Variants in PDE8B observed in about 807,000 individuals in gnomAD.
PDE8B encodes the protein high affinity cAMP-specific and IBMX-insensitive 3',5'-cyclic phosphodiesterase 8B.
PDE8B carries 26 observed loss-of-function variants against 101.3 expected under a neutral mutation model. That is an observed-to-expected ratio of 0.26 (90% CI 0.19 to 0.36). The LOEUF (loss-of-function observed/expected upper bound fraction) is 0.36, where lower values mean the gene tolerates loss of function less well. Among genes scored for constraint, PDE8B ranks in the 10% least tolerant of loss-of-function variants. PDE8B has a pLI of 1.00. For synonymous variants in PDE8B, 424 were observed against 429.3 expected (o/e 0.99, Z 0.15); for missense variants, 810 against 1,163.1 (o/e 0.70, Z 4.42).
chr5:77,204,767 C>T, the PDE8B span, among the ~76,000 whole-genome samples: 4 of 152,176 alleles, frequency 2.6e-5, no homozygotes, highest in African/African-American at 9.7e-5. Flanking sequence ...TTCTTCCCTT[C>T]CCAATGACCA....
At chr5:77,114,150 TC>T in the PDE8B span, 1 of 152,104 alleles carries the variant, frequency 6.6e-6, no homozygotes, top group East Asian at 1.9e-4. Context: ...ACCCAGCAAT[TC>T]CATTACTGGG....
chr5:77,420,799 A>G (rs1160234480), intron 19 of PDE8B, among the ~76,000 whole-genome samples: 8 of 152,206 alleles, frequency 5.3e-5, no homozygotes, highest in African/African-American at 1.9e-4. Flanking sequence ...AAGGTCATCC[A>G]CTCATGTAAG....
At chr5:77,409,909 T>C (rs1262135350) in intron 14 of PDE8B, among the ~76,000 whole-genome samples, 5 of 152,266 alleles carry the variant, frequency 3.3e-5, no homozygotes, top group African/African-American at 4.8e-5. Flanking sequence ...TGTTTCTTTC[T>C]TGCCCCTGGG....
chr5:77,111,962 T>G, the PDE8B span: 1 of 152,168 alleles, frequency 6.6e-6, no homozygotes, highest in Non-Finnish European at 1.5e-5. Flanking sequence ...GTAAATCTTT[T>G]GCACCCATTC....
chr5:77,313,031 C>T (rs1043551058), intron 2 of PDE8B, among the ~76,000 whole-genome samples: 2 of 152,174 alleles, frequency 1.3e-5, no homozygotes, highest in African/African-American at 4.8e-5. Context: ...TAAATAATTT[C>T]TAAATCCTTA....
chr5:77,270,006 A>G (rs55881870), intron 1 of PDE8B, among the ~76,000 whole-genome samples: 32,456 of 151,976 alleles, frequency 0.21, 3,643 homozygotes, highest in Non-Finnish European at 0.25. Context: ...TATTTCTGTG[A>G]AGAATGTTGT....
chr5:77,320,989 A>C (rs1774921657), intron 2 of PDE8B, among the ~76,000 whole-genome samples: 1 of 151,680 alleles, frequency 6.6e-6, no homozygotes, highest in Non-Finnish European at 1.5e-5. Context: ...AAAGTACATA[A>C]GTAAATAAGA....
chr5:77,126,539 C>A, the PDE8B span, among the ~76,000 whole-genome samples: 1 of 152,146 alleles, frequency 6.6e-6, no homozygotes, highest in Non-Finnish European at 1.5e-5. Flanking sequence ...GATTCTCCCA[C>A]CTCAGCCTCC....
intron 1 of PDE8B, among the ~76,000 whole-genome samples, chr5:77,241,054 T>C (rs1385814860): frequency 6.6e-6 from 1 of 152,006 alleles, no homozygotes; most frequent in East Asian, 1.9e-4. Flanking sequence ...CAAACAGGAG[T>C]TGCAATCAAC....
At chr5:77,207,366 T>C (rs1368071820), upstream of PDE8B, among the ~76,000 whole-genome samples, 3 of 152,228 alleles carry the variant, frequency 2.0e-5, no homozygotes, top group African/African-American at 7.2e-5. Flanking sequence ...CTGTGGGCCA[T>C]AATTTTACAG....
chr5:77,329,368 C>G (rs1776675080), intron 4 of PDE8B, among the ~76,000 whole-genome samples: 1 of 152,102 alleles, frequency 6.6e-6, no homozygotes, highest in Non-Finnish European at 1.5e-5. Context: ...AAACATTGTT[C>G]CAGTTTATCT....
At chr5:77,279,364 C>A (rs140589952) in intron 1 of PDE8B, among the ~76,000 whole-genome samples, 12 of 152,162 alleles carry the variant, frequency 7.9e-5, no homozygotes, top group Non-Finnish European at 1.8e-4. Context: ...ATGGTATGTC[C>A]TTTTAGTCCC....
chr5:77,327,538 T>A (rs1299239912), intron 3 of PDE8B, among the ~76,000 whole-genome samples: 1 of 152,124 alleles, frequency 6.6e-6, no homozygotes, highest in East Asian at 1.9e-4. Flanking sequence ...CTGAATGAAG[T>A]TGAGAAGTAC....
chr5:77,223,704 G>A (rs1485767010), intron 1 of PDE8B, among the ~76,000 whole-genome samples: 1 of 152,116 alleles, frequency 6.6e-6, no homozygotes, highest in Non-Finnish European at 1.5e-5. Flanking sequence ...TCTGCAAGCT[G>A]CATCTTCCAC....
intron 20 of PDE8B, among the ~76,000 whole-genome samples, chr5:77,425,264 T>C (rs90682): frequency 0.29 from 44,237 of 152,146 alleles, 7,059 homozygotes; most frequent in Non-Finnish European, 0.36. Context: ...TGGTATCACA[T>C]AGAAAGAGGC....
chr5:77,340,600 A>AGTGTGTGTGT (rs34764404), intron 6 of PDE8B, among the ~76,000 whole-genome samples: 4,567 of 140,096 alleles, frequency 0.033, 88 homozygotes, highest in East Asian at 0.091. Flanking sequence ...GCAGCCTCAC[A>AGTGTGTGTGT]GTGTGTGTGT....
chr5:77,199,061 C>T, the PDE8B span, among the ~76,000 whole-genome samples: 1 of 152,104 alleles, frequency 6.6e-6, no homozygotes, highest in Non-Finnish European at 1.5e-5. Flanking sequence ...CAGACCTTTC[C>T]AGGGGAGTTT....
chr5:77,167,716 G>A, the PDE8B span, among the ~76,000 whole-genome samples: 135 of 152,290 alleles, frequency 8.9e-4, no homozygotes, highest in South Asian at 1.9e-3. Context: ...GAAAATTTGA[G>A]TGGAAAAATA....
At chr5:77,087,519 A>G in the PDE8B span, 1 of 152,256 alleles carries the variant, frequency 6.6e-6, no homozygotes, top group Non-Finnish European at 1.5e-5. Context: ...AGTTATTGGA[A>G]GAAATCCCTC....
Sources: gnomAD v4.1 joint callset for allele counts (sites outside exome capture counted in the v4.1 genomes callset) on GRCh38, gnomAD v4.1.1 for gene constraint, MANE v1.5 for transcripts, NCBI Gene and HGNC (gene_info 2026-07-23, HGNC 2026-07-21) for gene names.